The following STXBP6 variants were observed in gnomAD, a reference collection of about 807,000 sequenced individuals.
STXBP6 encodes syntaxin binding protein 6, also known as syntaxin-binding protein 6.
A neutral mutation model predicts 26.9 loss-of-function variants in STXBP6; 21 were observed. The ratio of observed to expected loss-of-function variants is 0.78; its 90% CI spans 0.55 to 1.12. The LOEUF (loss-of-function observed/expected upper bound fraction) is 1.12, where lower values mean the gene tolerates loss of function less well. STXBP6 is among the 50% of genes most tolerant of loss of function. STXBP6 has a pLI of 0.00. For synonymous variants in STXBP6, 97 were observed against 92.6 expected (o/e 1.05, Z -0.27); for missense variants, 232 against 257.9 (o/e 0.90, Z 0.69).
chr14:25,032,909 T>A (rs1293731401), intron 1 of STXBP6, among the ~76,000 whole-genome samples: 2 of 152,192 alleles, frequency 1.3e-5, no homozygotes, highest in Admixed American at 1.3e-4. Flanking sequence ...CATCTCTATA[T>A]GATGAAATGC....
At chr14:24,937,327 C>T (rs2072638498) in intron 2 of STXBP6, among the ~76,000 whole-genome samples, 1 of 152,200 alleles carries the variant, frequency 6.6e-6, no homozygotes, top group Admixed American at 6.5e-5. Context: ...AACCACGACA[C>T]ACTTTTTAAA....
At chr14:24,845,093 C>G (rs1353972115) in intron 4 of STXBP6, among the ~76,000 whole-genome samples, 1 of 151,322 alleles carries the variant, frequency 6.6e-6, no homozygotes, top group Non-Finnish European at 1.5e-5. Flanking sequence ...CTCACTGCAA[C>G]CTCCGCCTCT....
At chr14:24,981,834 T>C (rs753195011) in intron 1 of STXBP6, among the ~76,000 whole-genome samples, 4 of 152,200 alleles carry the variant, frequency 2.6e-5, no homozygotes, top group Non-Finnish European at 5.9e-5. Context: ...AAATACAGTA[T>C]AGCCCATCCA....
At chr14:24,891,522 C>T (rs1000886230) in intron 2 of STXBP6, among the ~76,000 whole-genome samples, 6 of 152,156 alleles carry the variant, frequency 3.9e-5, no homozygotes, top group Non-Finnish European at 7.4e-5. Flanking sequence ...AGAAAGAAAA[C>T]TGTCAGGAGA....
At chr14:25,014,693 T>C (rs890625144) in intron 1 of STXBP6, among the ~76,000 whole-genome samples, 54 of 152,258 alleles carry the variant, frequency 3.5e-4, no homozygotes, top group Admixed American at 2.4e-3. Flanking sequence ...AAAGAAGTTC[T>C]GAGTCAGCTG....
intron 1 of STXBP6, among the ~76,000 whole-genome samples, chr14:24,980,363 A>C (rs2074155714): frequency 6.6e-6 from 1 of 152,198 alleles, no homozygotes; most frequent in African/African-American, 2.4e-5. Flanking sequence ...TTGATAAGAC[A>C]GTTCTCAAGT....
intron 2 of STXBP6, among the ~76,000 whole-genome samples, chr14:24,933,974 T>C (rs1397926472): frequency 6.6e-6 from 1 of 152,086 alleles, no homozygotes; most frequent in Non-Finnish European, 1.5e-5. Flanking sequence ...ATCCAATTCC[T>C]AGACAAAGCA....
At chr14:25,026,837 T>C in intron 1 of STXBP6, among the ~76,000 whole-genome samples, 1 of 152,128 alleles carries the variant, frequency 6.6e-6, no homozygotes, top group Admixed American at 6.5e-5. Flanking sequence ...CCATCATCAC[T>C]AGCAACTGTT....
intron 1 of STXBP6, among the ~76,000 whole-genome samples, chr14:25,017,231 T>C (rs557538713): frequency 1.3e-5 from 2 of 152,288 alleles, no homozygotes; most frequent in African/African-American, 4.8e-5. Context: ...GCCGCCCCTA[T>C]GTGGGTAGAA....
At chr14:24,986,462 G>A (rs984531701) in intron 1 of STXBP6, among the ~76,000 whole-genome samples, 21 of 152,102 alleles carry the variant, frequency 1.4e-4, no homozygotes, top group African/African-American at 4.8e-5. Context: ...GTCCATTCTC[G>A]GTTTGGGAAT....
intron 1 of STXBP6, among the ~76,000 whole-genome samples, chr14:25,023,513 C>G (rs2075296045): frequency 6.6e-6 from 1 of 152,132 alleles, no homozygotes; most frequent in African/African-American, 2.4e-5. Context: ...CAAGGGACAT[C>G]CAAAGGTGCT....
chr14:24,926,600 G>A (rs905514882), intron 2 of STXBP6, among the ~76,000 whole-genome samples: 6 of 152,162 alleles, frequency 3.9e-5, no homozygotes, highest in Non-Finnish European at 7.3e-5. Context: ...CATAGCTGGA[G>A]AGTAAATTTG....
chr14:24,856,063 A>G lies in STXBP6; in HGVS notation c.324T>C (p.Phe108=). 1 of 1,607,404 alleles carries G rather than the reference A, an allele frequency of 6.2e-7. No individual in the cohort carries two copies. The highest frequency in any genetic ancestry group is 8.5e-7 in the Non-Finnish European group (1 of 1,177,290). The change falls in exon 4 of 6, where the codon TTT becomes TTC. Residue 108 remains phenylalanine, a synonymous_variant. Transcript: ENST00000323944. ...AEFDLLFENA[F]DQWVASTASE... ...ACGCTGTGCTGGCTACCCACTGGTC[A>G]AAAGCATTTTCAAACAACAAATCAA... is the stretch of plus-strand genomic sequence containing the variant.
intron 2 of STXBP6, among the ~76,000 whole-genome samples, chr14:24,942,367 C>A (rs1394079033): frequency 6.6e-6 from 1 of 152,182 alleles, no homozygotes; most frequent in Non-Finnish European, 1.5e-5. Context: ...ACAACTTCAT[C>A]CAGAGATGGA....
chr14:24,904,564 T>C (rs189853743), intron 2 of STXBP6, among the ~76,000 whole-genome samples: 16 of 152,270 alleles, frequency 1.1e-4, no homozygotes, highest in Admixed American at 6.5e-4. Context: ...CATTTGGAGA[T>C]AGGGCCTTTA....
At chr14:25,006,362 T>C (rs1333017200) in intron 1 of STXBP6, among the ~76,000 whole-genome samples, 2 of 152,142 alleles carry the variant, frequency 1.3e-5, no homozygotes, top group Non-Finnish European at 2.9e-5. Flanking sequence ...CAGCTCTTCC[T>C]CCCCCTTCCA....
chr14:24,899,801 C>CAAAA (rs56666133), intron 2 of STXBP6, among the ~76,000 whole-genome samples: 10 of 108,586 alleles, frequency 9.2e-5, no homozygotes, highest in South Asian at 3.3e-4. Context: ...AAAAAAAAAG[C>CAAAA]AAAAAAAAAA....
chr14:24,895,653 C>T (rs774321700), intron 2 of STXBP6, among the ~76,000 whole-genome samples: 8 of 152,188 alleles, frequency 5.3e-5, no homozygotes, highest in Non-Finnish European at 1.2e-4. Flanking sequence ...CTCTCAAATA[C>T]GCAGAAGATA....
chr14:24,957,158 G>C (rs1249616264), intron 2 of STXBP6, among the ~76,000 whole-genome samples: 1 of 152,152 alleles, frequency 6.6e-6, no homozygotes, highest in Admixed American at 6.5e-5. Flanking sequence ...AATCACAGAG[G>C]TTAGGTATGT....
Sources: gnomAD v4.1 joint callset for allele counts (sites outside exome capture counted in the v4.1 genomes callset) on GRCh38, gnomAD v4.1.1 for gene constraint, MANE v1.5 for transcripts, NCBI Gene and HGNC (gene_info 2026-07-23, HGNC 2026-07-21) for gene names.